RSRP1: variants seen among roughly 807,000 people sequenced by gnomAD.
The protein encoded by RSRP1 is arginine/serine-rich protein 1.
RSRP1 carries 37 observed loss-of-function variants against 33.0 expected under a neutral mutation model. The observed-to-expected ratio is 1.12, with a 90% CI of 0.86 to 1.48. The LOEUF is 1.48. RSRP1 is among the 40% of genes most tolerant of loss of function. The pLI is 0.00. For missense variants in RSRP1, 402 were observed against 385.3 expected, an observed-to-expected ratio of 1.04 and a Z score of -0.36; for synonymous variants, 167 against 158.7, an observed-to-expected ratio of 1.05 and a Z score of -0.40.
Position 25,290,657 on chromosome 1 carries a change from A to G in RSRP1, c.-66-43628T>C. 2 of 1,378,226 alleles carry G rather than the reference A, an allele frequency of 1.5e-6. 1 individual carries two copies. The highest frequency in any genetic ancestry group is 2.4e-5 in the South Asian group (2 of 84,700). The allele number at this position is 1,378,226 out of a possible 1,614,324, so 85.4% of individuals were successfully genotyped here. A position where few individuals can be genotyped will look rare whatever the true frequency, so the allele number is the denominator to read the frequency against. On this transcript the variant is annotated intron_variant, in intron 1 of 1. Transcript: ENST00000561867. ...CTCCCCCAGTATTCGGCTGGCCACC[A>G]TGAGTGCTTTGTCGGTGCTGATCTC...
chr1:25,245,280 A>G lies in RSRP1; in HGVS notation c.542T>C (p.Ile181Thr), dbSNP rs982897523. ...AGCTTTCGCTGCATTGGTTTTTGCT[A>G]TTTCTAACAGCTCCATTCGATCTAA... The part of the protein sequence containing the change: ...SEKDRMELLE[I>T]AKTNAAKALG... Residue 181 changes from isoleucine to threonine, a missense_variant, in exon 3 of 5, where the codon ATA becomes ACA. Physicochemically the swap from Ile to Thr is moderately conservative, Grantham distance 89. Coordinates refer to ENST00000243189, the MANE Select transcript of RSRP1 (RefSeq NM_020317.5). The G allele has an allele frequency of 6.2e-7, 1 of 1,613,610 alleles. No homozygotes were observed. The highest frequency in any genetic ancestry group is 8.5e-7 in the Non-Finnish European group (1 of 1,179,868).
rs1436758929 is a variant in RSRP1 at position 25,302,978 on chromosome 1, TA to T, written c.-67+34999del. Among the ~76,000 whole-genome samples, 13 of 130,272 alleles carry T rather than the reference TA, an allele frequency of 1.0e-4. 3 individuals are homozygous for T. The highest frequency in any genetic ancestry group is 1.5e-4 in the Non-Finnish European group (8 of 55,152). 85.5% of individuals were successfully genotyped at this position (130,272 alleles called of 152,430 possible). A position where few individuals can be genotyped will look rare whatever the true frequency, so the allele number is the denominator to read the frequency against. On this transcript the variant is annotated intron_variant, in intron 1 of 1. Transcript: ENST00000561867. ...AGGCAACATAGCAAGACCCTGTCTC[TA>T]AAAAATAAAACAAAAACCCATTCTT...
chr1:25,247,061 G>A (rs1016660512), intron 1 of RSRP1, 32 bp from the exon 2 acceptor site: 17 of 1,294,934 alleles, frequency 1.3e-5, no homozygotes, highest in Non-Finnish European at 1.7e-5. Context: ...AACAAGTCGA[G>A]TCGCGGAAGC....
intron 1 of RSRP1, chr1:25,304,506 G>A (rs1488325270): frequency 7.7e-6 from 1 of 129,436 alleles, no homozygotes; most frequent in African/African-American, 2.7e-5. Flanking sequence ...GCTGAGACAC[G>A]AGAATCACTT....
At position 25,268,188 on chromosome 1, in the gene RSRP1, C is replaced by T. The variant is rs555264491; in HGVS notation, c.-66-21159G>A. Among the ~76,000 whole-genome samples the T allele has an allele frequency of 5.9e-4, 79 of 133,562 alleles. 21 individuals carry two copies. Among genetic ancestry groups the T allele is most frequent in the Non-Finnish European group, 6.9e-4 (39 of 56,188 alleles). 87.6% of individuals were successfully genotyped at this position (133,562 alleles called of 152,430 possible). Reference sequence around the variant, plus strand: ...CACAGCAGTCAAAAGTCCCTGTCTTCATGTTGCTCAGATTCTCATAGGGGA... The same window carrying T: ...CACAGCAGTCAAAAGTCCCTGTCTTTATGTTGCTCAGATTCTCATAGGGGA... On this transcript the variant is annotated intron_variant, in intron 1 of 1. Transcript: ENST00000561867.
intron 1 of RSRP1, among the ~76,000 whole-genome samples, chr1:25,260,011 G>T (rs1399938079): frequency 1.3e-5 from 2 of 151,982 alleles, no homozygotes; most frequent in Non-Finnish European, 2.9e-5. Context: ...CGCATCCCAA[G>T]ATTATATTAT....
chr1:25,256,398 A>G (rs566281997), intron 1 of RSRP1, among the ~76,000 whole-genome samples: 1 of 152,270 alleles, frequency 6.6e-6, no homozygotes, highest in East Asian at 1.9e-4. Context: ...AAGATCTTCC[A>G]TCCCAGTCAG....
In RSRP1 at chr1:25,275,504, T is replaced by C. The variant is rs1439917355; in HGVS notation, c.-66-28475A>G. On this transcript the variant is annotated intron_variant, in intron 1 of 1. Transcript: ENST00000561867. ...CACCAGACCAGCGTGGAGGCTGTAGTGTAGTATTGACCTGAGGACTTCAAC... is the reference window on the plus strand; with the variant it reads ...CACCAGACCAGCGTGGAGGCTGTAGCGTAGTATTGACCTGAGGACTTCAAC... Among the ~76,000 whole-genome samples the C allele has an allele frequency of 1.1e-4, 15 of 131,362 alleles. 2 individuals are homozygous for C. Among genetic ancestry groups the C allele is most frequent in the African/African-American group, 3.9e-4 (15 of 38,608 alleles). The allele number at this position is 131,362 out of a possible 152,430, so 86.2% of individuals were successfully genotyped here.
intron 2 of RSRP1, chr1:25,246,092 A>T (rs1415794249): frequency 1.8e-5 from 4 of 216,972 alleles, no homozygotes; most frequent in Non-Finnish European, 3.7e-5. Flanking sequence ...AATTTTATTC[A>T]GTAATAATGT....
intron 1 of RSRP1, among the ~76,000 whole-genome samples, chr1:25,271,243 C>T (rs1640498788): frequency 1.5e-5 from 2 of 131,158 alleles, no homozygotes; most frequent in African/African-American, 2.6e-5. Flanking sequence ...CTCTCTGGGT[C>T]TTGGTTTCTT....
At position 25,271,988 on chromosome 1, in the gene RSRP1, G is replaced by A. The variant is rs1276022490; in HGVS notation, c.-66-24959C>T. Among the ~76,000 whole-genome samples the A allele has an allele frequency of 1.5e-5, 2 of 132,012 alleles. 1 individual carries two copies. Among genetic ancestry groups the A allele is most frequent in the Non-Finnish European group, 3.6e-5 (2 of 55,662 alleles). 86.6% of individuals were successfully genotyped at this position (132,012 alleles called of 152,430 possible). A position where few individuals can be genotyped will look rare whatever the true frequency, so the allele number is the denominator to read the frequency against. ...GTAATTTCAACTGTGTAACTATGAG[G>A]AGTCAGTTCTACGTGGGTCCTATCT... On this transcript the variant is annotated intron_variant, in intron 1 of 1. Transcript: ENST00000561867.
Position 25,275,849 on chromosome 1 carries a change from G to A in RSRP1, c.-66-28820C>T, listed in dbSNP as rs537564565. Among the ~76,000 whole-genome samples, 3 of 131,694 alleles carry A rather than the reference G, an allele frequency of 2.3e-5. 1 individual carries two copies. Among genetic ancestry groups the A allele is most frequent in the Admixed American group, 7.4e-5 (1 of 13,438 alleles). 86.4% of individuals were successfully genotyped at this position (131,694 alleles called of 152,430 possible). On this transcript the variant is annotated intron_variant, in intron 1 of 1. Transcript: ENST00000561867. ...ATTAGATCAACATGTTTTAAATCTC[G>A]AATGTGACTGACAGCTTGTACGAGG...
intron 3 of RSRP1, chr1:25,244,377 CA>C (rs894985853): frequency 6.2e-6 from 8 of 1,288,968 alleles, no homozygotes; most frequent in Middle Eastern, 2.1e-4. Context: ...GATCTACCAA[CA>C]AAAAAACTAA....
intron 1 of RSRP1, among the ~76,000 whole-genome samples, chr1:25,323,296 C>T (rs1272532469): frequency 7.5e-5 from 7 of 92,898 alleles, no homozygotes; most frequent in African/African-American, 2.5e-4. Context: ...TACATTTTAA[C>T]GTATTTATAC....
chr1:25,303,447 C>T (rs759145090), intron 1 of RSRP1: 1 of 1,378,886 alleles, frequency 7.3e-7, no homozygotes, highest in East Asian at 2.2e-5. Context: ...TCGGGGGAGC[C>T]AAGTACCTGC....
chr1:25,268,110 A>G (rs113500251), intron 1 of RSRP1, among the ~76,000 whole-genome samples: 2,073 of 134,012 alleles, frequency 0.015, 322 homozygotes, highest in African/African-American at 0.05. Flanking sequence ...GCCAACAAAT[A>G]TTTATTGAGC....
At chr1:25,263,163 G>A (rs915063652) in intron 1 of RSRP1, among the ~76,000 whole-genome samples, 1 of 152,024 alleles carries the variant, frequency 6.6e-6, no homozygotes, top group African/African-American at 2.4e-5. Context: ...AGACAAGTGT[G>A]GTGTGTATCA....
chr1:25,334,800 C>T (rs1376853189), intron 1 of RSRP1, among the ~76,000 whole-genome samples: 1 of 133,174 alleles, frequency 7.5e-6, no homozygotes, highest in African/African-American at 2.6e-5. Context: ...CTCTACCTTG[C>T]CTCCTGTCAG....
chr1:25,301,738 A>C, intron 1 of RSRP1: 1 of 1,243,866 alleles, frequency 8.0e-7, no homozygotes, highest in South Asian at 1.2e-5. Flanking sequence ...GGACTAGCAC[A>C]CATATTTATG....
Sources: allele counts gnomAD v4.1 joint callset (sites outside exome capture counted in the v4.1 genomes callset), GRCh38; gene constraint gnomAD v4.1.1; transcripts MANE v1.5; gene names NCBI Gene and HGNC (gene_info 2026-07-23, HGNC 2026-07-21).